The following ZFHX3 variants were observed in gnomAD, a reference collection of about 807,000 sequenced individuals.
The protein encoded by ZFHX3 is zinc finger homeobox protein 3.
ZFHX3 carries 42 observed loss-of-function variants against 279.1 expected under a neutral mutation model. The observed-to-expected ratio is 0.15, with a 90% CI of 0.12 to 0.19. The LOEUF is 0.19. Among genes scored for constraint, ZFHX3 ranks in the 10% least tolerant of loss-of-function variants. The pLI is 1.00. For missense variants in ZFHX3, 4,981 were observed against 4,754.0 expected, an observed-to-expected ratio of 1.05 and a Z score of -1.40; for synonymous variants, 2,293 against 1,957.8, an observed-to-expected ratio of 1.17 and a Z score of -4.52.
At chr16:73,223,541 A>G (rs1024982992) in intron 5 of ZFHX3, among the ~76,000 whole-genome samples, 2 of 152,174 alleles carry the variant, frequency 1.3e-5, no homozygotes, top group African/African-American at 4.8e-5. Flanking sequence ...CAAAATAACG[A>G]CAACCCCATA....
At chr16:73,712,234 C>T (rs1244691721) in intron 1 of ZFHX3, among the ~76,000 whole-genome samples, 2 of 151,922 alleles carry the variant, frequency 1.3e-5, no homozygotes, top group Non-Finnish European at 2.9e-5. Flanking sequence ...TAAAAAAAAA[C>T]GAAGGCCCGT....
At chr16:72,935,380 C>A (rs76058332) in intron 3 of ZFHX3, among the ~76,000 whole-genome samples, 2,730 of 152,274 alleles carry the variant, frequency 0.018, 42 homozygotes, top group East Asian at 0.039. Flanking sequence ...AGGAGAGGAG[C>A]CTCTAGGGAA....
At chr16:73,345,186 T>C (rs979738365) in intron 3 of ZFHX3, among the ~76,000 whole-genome samples, 1 of 152,226 alleles carries the variant, frequency 6.6e-6, no homozygotes, top group Non-Finnish European at 1.5e-5. Context: ...GCTATTTTCT[T>C]TTATTTTCAG....
chr16:73,710,450 C>T (rs1444820065), intron 1 of ZFHX3, among the ~76,000 whole-genome samples: 5 of 152,152 alleles, frequency 3.3e-5, no homozygotes, highest in African/African-American at 7.2e-5. Context: ...CTTTCGCACC[C>T]GTAACTCCAG....
chr16:73,043,195 C>A (rs1235373375), intron 1 of ZFHX3, among the ~76,000 whole-genome samples: 1 of 152,146 alleles, frequency 6.6e-6, no homozygotes, highest in Admixed American at 6.5e-5. Context: ...CCACCTAAGA[C>A]CTCCAGGACA....
Position 73,546,969 on chromosome 16 carries a change from T to C in ZFHX3, c.-1546-90711A>G, listed in dbSNP as rs535007660. Among the ~76,000 whole-genome samples the C allele has an allele frequency of 3.3e-5, 5 of 152,120 alleles. No homozygotes were observed. In the East Asian group the frequency reaches 9.7e-4, roughly 29 times the overall value. The stretch of plus-strand genomic sequence containing the variant: ...CCTACCCCTGTCCCCATTGTTAATG[T>C]AAGAGGCAGAGAATATAACCACATT... On this transcript the variant is annotated intron_variant, in intron 2 of 17. Transcript: ENST00000641206.
At chr16:73,550,866 A>T (rs958458301) in intron 2 of ZFHX3, among the ~76,000 whole-genome samples, 2 of 152,244 alleles carry the variant, frequency 1.3e-5, no homozygotes, top group Non-Finnish European at 2.9e-5. Context: ...GTATTACCAA[A>T]CATCAAATAT....
intron 7 of ZFHX3, among the ~76,000 whole-genome samples, chr16:73,107,756 C>A (rs1202616815): frequency 6.6e-6 from 1 of 152,200 alleles, no homozygotes; most frequent in Non-Finnish European, 1.5e-5. Flanking sequence ...TGGTGGCTCA[C>A]ACCTGTAATC....
chr16:73,090,732 AAAAAAACAAAAC>A (rs1382218725), intron 8 of ZFHX3, among the ~76,000 whole-genome samples: 1 of 151,556 alleles, frequency 6.6e-6, no homozygotes, highest in Non-Finnish European at 1.5e-5. Context: ...ACAGAAAAAA[AAAAAAACAAAAC>A]AAAAAACATA....
At chr16:73,123,249 C>T (rs1024049829) in intron 7 of ZFHX3, 1 of 149,620 alleles carries the variant, frequency 6.7e-6, no homozygotes, top group Non-Finnish European at 1.5e-5. Context: ...GCTCCTCCCA[C>T]CAAGACGTGG....
intron 1 of ZFHX3, among the ~76,000 whole-genome samples, chr16:73,720,978 A>G (rs964317068): frequency 4.6e-5 from 7 of 152,220 alleles, no homozygotes; most frequent in African/African-American, 1.7e-4. Flanking sequence ...CCTAGGGGCC[A>G]CGTGTGGCTG....
chr16:72,829,895 T>A (rs781557841), intron 4 of ZFHX3, 36 bp from the exon 5 acceptor site: 5 of 1,612,278 alleles, frequency 3.1e-6, no homozygotes, highest in Non-Finnish European at 4.2e-6. Flanking sequence ...GGGTTAAAAA[T>A]AAAAAGAAGA....
intron 2 of ZFHX3, among the ~76,000 whole-genome samples, chr16:73,463,982 T>C (rs961227195): frequency 6.6e-6 from 1 of 152,220 alleles, no homozygotes; most frequent in African/African-American, 2.4e-5. Context: ...ACAGCATTAA[T>C]GCATTAAAAT....
intron 3 of ZFHX3, among the ~76,000 whole-genome samples, chr16:72,918,768 T>G (rs1464606157): frequency 6.6e-6 from 1 of 151,012 alleles, no homozygotes; most frequent in Non-Finnish European, 1.5e-5. Context: ...AAATCTCGGC[T>G]CACTGCAAGC....
chr16:73,862,642 G>A (rs1597148554), intron 1 of ZFHX3, among the ~76,000 whole-genome samples: 1 of 151,990 alleles, frequency 6.6e-6, no homozygotes, highest in East Asian at 1.9e-4. Context: ...CAGGTGTGGT[G>A]GCACATGCCT....
At chr16:73,125,616 T>A (rs1336764424) in intron 7 of ZFHX3, among the ~76,000 whole-genome samples, 1 of 152,054 alleles carries the variant, frequency 6.6e-6, no homozygotes, top group East Asian at 1.9e-4. Context: ...CTCCCTAGCC[T>A]CCCAGCGTAC....
intron 5 of ZFHX3, among the ~76,000 whole-genome samples, chr16:73,158,314 C>T (rs79094424): frequency 6.6e-6 from 1 of 152,104 alleles, no homozygotes; most frequent in Non-Finnish European, 1.5e-5. Context: ...GTAATGACAA[C>T]TGAATAGTTT....
At chr16:72,895,134 C>A (rs1030704833) in intron 3 of ZFHX3, among the ~76,000 whole-genome samples, 4 of 152,188 alleles carry the variant, frequency 2.6e-5, no homozygotes, top group Non-Finnish European at 5.9e-5. Flanking sequence ...CGCGCACACA[C>A]ATGTGAGCAC....
At chr16:73,715,804 C>T (rs573452332) in intron 1 of ZFHX3, among the ~76,000 whole-genome samples, 2 of 151,968 alleles carry the variant, frequency 1.3e-5, no homozygotes, top group Admixed American at 6.6e-5. Context: ...GAACTCCTGA[C>T]GTCGTGATCC....
Sources: gnomAD v4.1 joint callset for allele counts (sites outside exome capture counted in the v4.1 genomes callset) on GRCh38, gnomAD v4.1.1 for gene constraint, MANE v1.5 for transcripts, NCBI Gene and HGNC (gene_info 2026-07-23, HGNC 2026-07-21) for gene names.